DMXL2: variants seen among roughly 807,000 people sequenced by gnomAD.
The protein encoded by DMXL2 is Dmx like 2.
In DMXL2, 103 loss-of-function variants were observed where a neutral mutation model predicts 331.1. The observed-to-expected ratio is 0.31, with a 90% CI of 0.27 to 0.37. The LOEUF is 0.37. Among genes scored for constraint, DMXL2 ranks in the 10% least tolerant of loss-of-function variants. DMXL2 has a pLI of 1.00. For synonymous variants in DMXL2, 1,281 were observed against 1,252.1 expected, an observed-to-expected ratio of 1.02 and a Z score of -0.49; for missense variants, 3,171 against 3,642.9, an observed-to-expected ratio of 0.87 and a Z score of 3.33.
At chr15:51,479,730 CA>C (rs748066002) in intron 25 of DMXL2, among the ~76,000 whole-genome samples, 59 of 152,046 alleles carry the variant, frequency 3.9e-4, no homozygotes, top group Non-Finnish European at 7.5e-4. Flanking sequence ...GTTTTATTGC[CA>C]AAAGTATTTG....
At chr15:51,453,409 C>T (rs1298621148) in intron 41 of DMXL2, 141 bp downstream of exon 41, 7 of 537,410 alleles carry the variant, frequency 1.3e-5, no homozygotes, top group South Asian at 1.2e-4. Context: ...AGAAAAAACA[C>T]TCTGAAATAA....
chr15:51,565,300 C>T (rs2050199551), intron 3 of DMXL2, 134 bp from the exon 4 acceptor site: 2 of 542,850 alleles, frequency 3.7e-6, no homozygotes. Flanking sequence ...AAATATTTCA[C>T]TATTATTTTC....
intron 18 of DMXL2, among the ~76,000 whole-genome samples, chr15:51,497,518 A>G (rs751302183): frequency 3.3e-5 from 5 of 152,208 alleles, no homozygotes; most frequent in Non-Finnish European, 5.9e-5. Flanking sequence ...AATATGATAA[A>G]GTAAAGAAAG....
chr15:51,450,378 A>G, intron 42 of DMXL2, 32 bp from the exon 43 acceptor site: 2 of 1,603,266 alleles, frequency 1.2e-6, no homozygotes, highest in South Asian at 1.1e-5. Flanking sequence ...GAATTTCTCA[A>G]AACAATTTCT....
At chr15:51,608,652 CTTATTACCTGG>C (rs1314206151) in intron 1 of DMXL2, among the ~76,000 whole-genome samples, 2 of 152,136 alleles carry the variant, frequency 1.3e-5, no homozygotes, top group African/African-American at 4.8e-5. Context: ...GGGAACTATA[CTTATTACCTGG>C]GTGACAAAAT....
chr15:51,595,016 A>G (rs1305836570), intron 1 of DMXL2, among the ~76,000 whole-genome samples: 2 of 152,202 alleles, frequency 1.3e-5, no homozygotes. Context: ...GGCACAAGAC[A>G]GGGATGTCCT....
chr15:51,612,181 T>G (rs1373093589), intron 1 of DMXL2, among the ~76,000 whole-genome samples: 2 of 152,244 alleles, frequency 1.3e-5, no homozygotes, highest in Non-Finnish European at 2.9e-5. Flanking sequence ...AAAGCAGACT[T>G]AATTTCACGT....
chr15:51,549,192 T>C (rs1051716621), intron 6 of DMXL2, among the ~76,000 whole-genome samples: 5 of 152,156 alleles, frequency 3.3e-5, no homozygotes, highest in African/African-American at 9.7e-5. Flanking sequence ...CTCCCACTTA[T>C]GAGTGAGAAC....
intron 38 of DMXL2, 50 bp from the exon 39 acceptor site, chr15:51,456,243 A>G: frequency 1.2e-6 from 2 of 1,602,436 alleles, no homozygotes; most frequent in South Asian, 2.2e-5. Context: ...GAGTTCCAAT[A>G]TTTTCTATTC....
intron 17 of DMXL2, among the ~76,000 whole-genome samples, chr15:51,501,919 CA>C (rs751293392): frequency 4.4e-3 from 385 of 86,744 alleles, no homozygotes; most frequent in Middle Eastern, 0.013. Context: ...AACTCCATCT[CA>C]AAAAAAAAAA....
rs1287402244 is a variant in DMXL2 at position 51,499,945 on chromosome 15, A to G, written c.3279T>C (p.Asn1093=). 1.2e-6 allele frequency: 2 copies of G among 1,613,942 alleles called. No homozygotes were observed. Among genetic ancestry groups the G allele is most frequent in the African/African-American group, 1.3e-5 (1 of 74,938 alleles). ...TGGAAAATTCTTTAGAAACAAAACC[A>G]TTATGGTGGATAGGCTGCTTATAAG... is the stretch of plus-strand genomic sequence containing the variant. The part of the protein sequence containing the change: ...AVAYKQPIHH[N]GFVSKEFSMH... The change falls in exon 18 of 44, where the codon AAT becomes AAC. Residue 1093 remains asparagine, a synonymous_variant. Transcript: ENST00000560891.
chr15:51,535,810 G>A (rs746702020), intron 12 of DMXL2, 26 bp from the exon 13 acceptor site: 20 of 1,577,166 alleles, frequency 1.3e-5, no homozygotes, highest in South Asian at 3.6e-5. Context: ...AAGGCCTCTG[G>A]GTTCTAAACA....
At chr15:51,465,763 T>C (rs927605215) in intron 30 of DMXL2, 112 bp from the exon 31 acceptor site, 1 of 782,872 alleles carries the variant, frequency 1.3e-6, no homozygotes, top group African/African-American at 1.8e-5. Context: ...GAAAAAAAGC[T>C]GTCATTGAAA....
intron 2 of DMXL2, among the ~76,000 whole-genome samples, chr15:51,569,879 C>G (rs1016322182): frequency 9.9e-5 from 15 of 152,282 alleles, no homozygotes; most frequent in African/African-American, 3.6e-4. Context: ...CAGAACACCT[C>G]TTCTCCTCCA....
intron 1 of DMXL2, among the ~76,000 whole-genome samples, chr15:51,589,784 G>A (rs949994677): frequency 6.6e-5 from 10 of 152,100 alleles, no homozygotes; most frequent in Non-Finnish European, 1.5e-4. Flanking sequence ...AAAATAATTC[G>A]ATATTATGAA....
At chr15:51,558,287 T>G (rs1382591398) in intron 6 of DMXL2, among the ~76,000 whole-genome samples, 1 of 152,174 alleles carries the variant, frequency 6.6e-6, no homozygotes, top group Non-Finnish European at 1.5e-5. Flanking sequence ...TCCAGTATAT[T>G]TCGTGTGATC....
chr15:51,499,761 A>G lies in DMXL2; in HGVS notation c.3463T>C (p.Leu1155=). The change falls in exon 18 of 44, where the codon TTG becomes CTG. Residue 1155 remains leucine, a synonymous_variant. Transcript: ENST00000560891. The part of the protein sequence containing the change: ...LFVYSKSDAL[L]SKDRYLIPNI... ...GGAATAAGATATCTATCCTTGCTCA[A>G]GAGTGCATCTGACTTGCTATACACA... 6.2e-7 allele frequency: 1 copy of G among 1,614,146 alleles called. No homozygotes were observed. The highest frequency in any genetic ancestry group is 8.5e-7 in the Non-Finnish European group (1 of 1,180,020).
At chr15:51,505,239 GAT>G (rs1283111970) in intron 16 of DMXL2, among the ~76,000 whole-genome samples, 1 of 152,182 alleles carries the variant, frequency 6.6e-6, no homozygotes, top group Non-Finnish European at 1.5e-5. Flanking sequence ...AGAACAAAAA[GAT>G]AGATGCTTTC....
chr15:51,478,383 AAC>A, intron 25 of DMXL2, 36 bp from the exon 26 acceptor site: 1 of 1,571,996 alleles, frequency 6.4e-7, no homozygotes, highest in Non-Finnish European at 8.7e-7. Flanking sequence ...ATTTTGTACT[AAC>A]ATTTCTACAC....
Sources: gnomAD v4.1 joint callset for allele counts (sites outside exome capture counted in the v4.1 genomes callset) on GRCh38, gnomAD v4.1.1 for gene constraint, MANE v1.5 for transcripts, NCBI Gene and HGNC (gene_info 2026-07-23, HGNC 2026-07-21) for gene names.